Variants in SLC60A1 observed in about 807,000 individuals in gnomAD.
SLC60A1 encodes solute carrier family 60 member 1, also known as major facilitator superfamily domain containing 4.
At chr1:205,584,537 CTTT>C in the SLC60A1 span, among the ~76,000 whole-genome samples, 10 of 128,524 alleles carry the variant, frequency 7.8e-5, no homozygotes, top group African/African-American at 2.5e-4. Flanking sequence ...GGTGATAGTC[CTTT>C]TTTTTTTTAA....
At chr1:205,570,649 T>G in the SLC60A1 span, among the ~76,000 whole-genome samples, 1 of 152,234 alleles carries the variant, frequency 6.6e-6, no homozygotes, top group African/African-American at 2.4e-5. Flanking sequence ...AAAAAGCAAG[T>G]CTCCTTGTGT....
the SLC60A1 span, among the ~76,000 whole-genome samples, chr1:205,581,522 C>T: frequency 6.6e-6 from 1 of 152,244 alleles, no homozygotes; most frequent in Admixed American, 6.5e-5. The surrounding 1 kb of genome is among the most constrained non-coding windows in gnomAD (Gnocchi z 4.2). Context: ...GCTCTGCAAA[C>T]CCAAGTTGGG....
chr1:205,586,145 C>T, the SLC60A1 span: 18 of 1,613,634 alleles, frequency 1.1e-5, no homozygotes, highest in African/African-American at 2.7e-5. Context: ...CACACTGGGC[C>T]GGCTCCTCTC....
At chr1:205,569,079 G>T in the SLC60A1 span, 2 of 1,490,690 alleles carry the variant, frequency 1.3e-6, no homozygotes, top group African/African-American at 1.5e-5. Flanking sequence ...CATGGGCTGC[G>T]ACGGCCGCGT....
At chr1:205,581,707 T>G in the SLC60A1 span, among the ~76,000 whole-genome samples, 1 of 152,214 alleles carries the variant, frequency 6.6e-6, no homozygotes, top group Admixed American at 6.5e-5. The surrounding 1 kb of genome is among the most constrained non-coding windows in gnomAD (Gnocchi z 4.2). Flanking sequence ...GGCACCATGC[T>G]GCTTGTCATG....
At chr1:205,573,046 T>C in the SLC60A1 span, among the ~76,000 whole-genome samples, 2 of 152,138 alleles carry the variant, frequency 1.3e-5, no homozygotes, top group Admixed American at 1.3e-4. Context: ...GACGCTCGCT[T>C]GAGCCCAGGA....
the SLC60A1 span, chr1:205,599,302 CG>C: frequency 1.2e-6 from 2 of 1,604,794 alleles, no homozygotes. Context: ...GAGCCGGGGT[CG>C]GGGAGCGGGG....
At chr1:205,580,629 A>ACCCCC in the SLC60A1 span, 19 of 639,768 alleles carry the variant, frequency 3.0e-5, no homozygotes, top group South Asian at 8.3e-5. The surrounding 1 kb of genome is among the most constrained non-coding windows in gnomAD (Gnocchi z 5.0). Flanking sequence ...ACTGACCCCC[A>ACCCCC]CCCCCACCCG....
the SLC60A1 span, among the ~76,000 whole-genome samples, chr1:205,570,406 C>T: frequency 6.8e-6 from 1 of 147,166 alleles, no homozygotes; most frequent in African/African-American, 2.5e-5. Flanking sequence ...TGGGCTATCC[C>T]AGAGAAACCT....
At chr1:205,583,892 G>A in the SLC60A1 span, 1 of 1,565,002 alleles carries the variant, frequency 6.4e-7, no homozygotes, top group Non-Finnish European at 8.6e-7. Context: ...TGTGTGCAGA[G>A]GCCAGGCGTG....
chr1:205,602,897 TA>T, the SLC60A1 span: 1 of 152,142 alleles, frequency 6.6e-6, no homozygotes, highest in Admixed American at 6.6e-5. Flanking sequence ...GTACCTTTCC[TA>T]AAATAAAATA....
chr1:205,597,174 C>T, the SLC60A1 span, among the ~76,000 whole-genome samples: 1 of 152,162 alleles, frequency 6.6e-6, no homozygotes, highest in Non-Finnish European at 1.5e-5. Context: ...GGGAATGGCG[C>T]TGAATGCCAG....
At chr1:205,588,303 C>G in the SLC60A1 span, among the ~76,000 whole-genome samples, 1 of 151,958 alleles carries the variant, frequency 6.6e-6, no homozygotes, top group South Asian at 2.1e-4. Flanking sequence ...TACCCCATCT[C>G]TACTAAAAAT....
At chr1:205,575,778 C>G in the SLC60A1 span, among the ~76,000 whole-genome samples, 1 of 152,212 alleles carries the variant, frequency 6.6e-6, no homozygotes, top group Non-Finnish European at 1.5e-5. Context: ...TTGGTCATTT[C>G]TGAGACTTCC....
At chr1:205,575,518 C>T in the SLC60A1 span, among the ~76,000 whole-genome samples, 1 of 152,168 alleles carries the variant, frequency 6.6e-6, no homozygotes, top group African/African-American at 2.4e-5. Context: ...CAACTATTCC[C>T]TCCTCTTTTC....
At chr1:205,580,076 C>T in the SLC60A1 span, 1 of 1,013,770 alleles carries the variant, frequency 9.9e-7, no homozygotes, top group East Asian at 2.6e-5. The surrounding 1 kb of genome is among the most constrained non-coding windows in gnomAD (Gnocchi z 5.0). Flanking sequence ...AAGTTCTAGA[C>T]TCGGTTTTCC....
At chr1:205,581,758 CT>C in the SLC60A1 span, among the ~76,000 whole-genome samples, 5 of 152,218 alleles carry the variant, frequency 3.3e-5, no homozygotes, top group East Asian at 9.6e-4. The surrounding 1 kb of genome is among the most constrained non-coding windows in gnomAD (Gnocchi z 4.2). Flanking sequence ...GACTTCTCAG[CT>C]CTCCTGGGGC....
the SLC60A1 span, among the ~76,000 whole-genome samples, chr1:205,573,900 T>C: frequency 5.9e-5 from 9 of 151,934 alleles, no homozygotes; most frequent in Admixed American, 3.3e-4. Context: ...TTTCACCGTG[T>C]TGGCCAGGCT....
At chr1:205,592,551 T>A in the SLC60A1 span, among the ~76,000 whole-genome samples, 6 of 147,946 alleles carry the variant, frequency 4.1e-5, no homozygotes, top group Non-Finnish European at 4.5e-5. Context: ...ACCCCACAAC[T>A]GTCCCAGGTG....
Sources: allele counts gnomAD v4.1 joint callset (sites outside exome capture counted in the v4.1 genomes callset), GRCh38; gene constraint gnomAD v4.1.1; non-coding constraint Gnocchi (gnomAD v3.1); transcripts MANE v1.5; gene names NCBI Gene and HGNC (gene_info 2026-07-23, HGNC 2026-07-21).